The following ST18 variants were observed in gnomAD, a reference collection of about 807,000 sequenced individuals.
ST18 encodes the protein suppression of tumorigenicity 18 protein.
A neutral mutation model predicts 110.0 loss-of-function variants in ST18; 50 were observed. That is an observed-to-expected ratio of 0.45 (90% CI 0.36 to 0.58). The LOEUF (loss-of-function observed/expected upper bound fraction) is 0.58, where lower values mean the gene tolerates loss of function less well. ST18 is among the 20% of genes least tolerant of loss of function. The pLI is 0.00. For synonymous variants in ST18, 461 were observed against 452.4 expected (o/e 1.02, Z -0.24); for missense variants, 1,306 against 1,280.1 (o/e 1.02, Z -0.31).
At chr8:52,335,609 T>C (rs191688349) in intron 2 of ST18, among the ~76,000 whole-genome samples, 6 of 152,338 alleles carry the variant, frequency 3.9e-5, no homozygotes, top group Admixed American at 3.9e-4. Flanking sequence ...TGCACATGAA[T>C]TAAAGTTTGT....
At chr8:52,144,994 A>G (rs929194200) in intron 16 of ST18, among the ~76,000 whole-genome samples, 1 of 151,718 alleles carries the variant, frequency 6.6e-6, no homozygotes, top group African/African-American at 2.4e-5. Context: ...AAGTAGATAC[A>G]ATTGCTAAAT....
intron 22 of ST18, among the ~76,000 whole-genome samples, chr8:52,129,128 T>G (rs1305946095): frequency 5.3e-5 from 8 of 152,146 alleles, no homozygotes; most frequent in Non-Finnish European, 1.0e-4. Context: ...GAACCCCTAC[T>G]GCGTGCCAGG....
intron 2 of ST18, among the ~76,000 whole-genome samples, chr8:52,332,627 G>C (rs1193620008): frequency 3.3e-5 from 5 of 151,146 alleles, no homozygotes; most frequent in African/African-American, 1.2e-4. Flanking sequence ...CCAAGGTAGG[G>C]GGATCACGAG....
chr8:52,253,266 G>T (rs1302390018), intron 2 of ST18, among the ~76,000 whole-genome samples: 1 of 151,980 alleles, frequency 6.6e-6, no homozygotes, highest in African/African-American at 2.4e-5. Context: ...TAAAACAAAA[G>T]GAATATGAGG....
intron 2 of ST18, among the ~76,000 whole-genome samples, chr8:52,314,959 G>C (rs2095997712): frequency 6.6e-6 from 1 of 152,146 alleles, no homozygotes. Context: ...GAGAGGGCCA[G>C]GAGAAAGGGC....
chr8:52,289,225 T>C (rs2063111813), intron 2 of ST18, among the ~76,000 whole-genome samples: 1 of 152,192 alleles, frequency 6.6e-6, no homozygotes, highest in Admixed American at 6.5e-5. Context: ...GTCATGCCTA[T>C]GATCCCAGCA....
chr8:52,255,018 T>C (rs1216253152), intron 2 of ST18, among the ~76,000 whole-genome samples: 1 of 152,114 alleles, frequency 6.6e-6, no homozygotes, highest in Non-Finnish European at 1.5e-5. Context: ...TCACTTGGCC[T>C]CCACCAGGCT....
rs369893285 is a variant in ST18 at position 52,137,449 on chromosome 8, C to T, written c.2203G>A (p.Val735Met). 10 of 1,614,002 alleles carry T rather than the reference C, an allele frequency of 6.2e-6. No homozygotes were observed. The highest frequency in any genetic ancestry group is 1.1e-5 in the South Asian group (1 of 91,076). The change falls in exon 18 of 26, where the codon GTG becomes ATG. Residue 735 changes from valine to methionine, a missense_variant. Transcript: ENST00000689386. The part of the protein sequence containing the change: ...PTPGCDGSGH[V>M]TGNYASHRSV... The stretch of plus-strand genomic sequence containing the variant: ...CGATGAGATGCATAGTTTCCTGTCA[C>T]GTGGCCACTTCCATCACATCCTGGT...
chr8:52,208,407 C>A (rs2080889928), intron 8 of ST18, among the ~76,000 whole-genome samples: 1 of 152,104 alleles, frequency 6.6e-6, no homozygotes, highest in Non-Finnish European at 1.5e-5. Flanking sequence ...AGAGGAATTG[C>A]AAGAAATGGA....
chr8:52,385,907 C>T (rs1237209721), intron 2 of ST18, among the ~76,000 whole-genome samples: 2 of 152,046 alleles, frequency 1.3e-5, no homozygotes, highest in Non-Finnish European at 1.5e-5. Flanking sequence ...TAAGGAAAAC[C>T]TCTCACTCTC....
rs142844988 is a variant in ST18, at chr8:52,357,893, A to G, written c.-465+51435T>C. ...CTAGAGCGCTCCACCTCACAGCTAC[A>G]GAATACACATTTTCTCAAGCACACA... On this transcript the variant is annotated intron_variant, in intron 2 of 25. Coordinates refer to ENST00000689386, the MANE Select transcript of ST18 (RefSeq NM_001352837.2). Among the ~76,000 whole-genome samples the G allele has an allele frequency of 7.7e-3, 1,170 of 151,028 alleles. 16 individuals carry two copies. Among genetic ancestry groups the G allele is most frequent in the African/African-American group, 0.027 (1,111 of 41,384 alleles).
intron 2 of ST18, among the ~76,000 whole-genome samples, chr8:52,393,187 G>T (rs1052388152): frequency 6.6e-6 from 1 of 152,126 alleles, no homozygotes; most frequent in African/African-American, 2.4e-5. Context: ...TGGCTCTGTG[G>T]TACAATCCAC....
intron 8 of ST18, among the ~76,000 whole-genome samples, chr8:52,207,592 A>G (rs2080554740): frequency 6.6e-6 from 1 of 152,250 alleles, no homozygotes; most frequent in South Asian, 2.1e-4. Flanking sequence ...GCCAAATGAT[A>G]GGATTTTATA....
intron 2 of ST18, among the ~76,000 whole-genome samples, chr8:52,295,400 CT>C (rs548665370): frequency 2.6e-5 from 4 of 152,188 alleles, no homozygotes; most frequent in African/African-American, 9.6e-5. Flanking sequence ...TTTAAACTGG[CT>C]TTTTTTCCCT....
At position 52,111,815 on chromosome 8, in the gene ST18, A is replaced by G. The variant is rs2040611913; in HGVS notation, c.*1383T>C. The G allele has an allele frequency of 6.6e-6, 1 of 152,594 alleles. No homozygotes were observed. The highest frequency in any genetic ancestry group is 1.5e-5 in the Non-Finnish European group (1 of 68,026). 9.5% of individuals were successfully genotyped at this position (152,594 alleles called of 1,614,324 possible). A position where few individuals can be genotyped will look rare whatever the true frequency, so the allele number is the denominator to read the frequency against. On this transcript the variant is annotated 3_prime_UTR_variant, in exon 26 of 26. Transcript: ENST00000689386. ...CCTTTTCCTTAAAAAAAATAAATAT[A>G]AAAAAACTTTTGAAACAATGCTTAA...
In ST18 at chr8:52,388,963, A is replaced by C. The variant is rs554680078; in HGVS notation, c.-465+20365T>G. ...ACATGTACCCTAAAACTTAAAGTAT[A>C]ATAATAATTTAAAAAAAAAAAAAAG... On this transcript the variant is annotated intron_variant, in intron 2 of 25. Coordinates refer to ENST00000689386, the MANE Select transcript of ST18 (RefSeq NM_001352837.2). Among the ~76,000 whole-genome samples the C allele has an allele frequency of 9.6e-3, 1,078 of 111,778 alleles. 8 individuals are homozygous for C. Among genetic ancestry groups the C allele is most frequent in the African/African-American group, 0.029 (1,022 of 35,810 alleles). 73.3% of individuals were successfully genotyped at this position (111,778 alleles called of 152,430 possible).
chr8:52,202,144 G>A (rs1037344466), intron 8 of ST18, among the ~76,000 whole-genome samples: 1 of 152,140 alleles, frequency 6.6e-6, no homozygotes, highest in Non-Finnish European at 1.5e-5. Context: ...TACAAGTAAA[G>A]GGATAGAATT....
intron 2 of ST18, among the ~76,000 whole-genome samples, chr8:52,349,001 C>T (rs1819047294): frequency 6.6e-6 from 1 of 152,072 alleles, no homozygotes; most frequent in Non-Finnish European, 1.5e-5. Context: ...CTCCCCCATG[C>T]CCAACCCCCA....
chr8:52,281,269 T>C (rs2095371048), intron 2 of ST18, among the ~76,000 whole-genome samples: 1 of 152,034 alleles, frequency 6.6e-6, no homozygotes, highest in African/African-American at 2.4e-5. Flanking sequence ...AGTTTAAGAA[T>C]TTAGAACAAC....
Sources: gnomAD v4.1 joint callset for allele counts (sites outside exome capture counted in the v4.1 genomes callset) on GRCh38, gnomAD v4.1.1 for gene constraint, MANE v1.5 for transcripts, NCBI Gene and HGNC (gene_info 2026-07-23, HGNC 2026-07-21) for gene names.